The following COL18A1 variants were observed in gnomAD, a reference collection of about 807,000 sequenced individuals.
COL18A1 encodes the protein collagen type XVIII alpha 1 chain, also known as collagen alpha-1(XVIII) chain.
A neutral mutation model predicts 168.0 loss-of-function variants in COL18A1; 133 were observed. That is an observed-to-expected ratio of 0.79 (90% CI 0.69 to 0.91). The LOEUF is 0.91. Among genes scored for constraint, COL18A1 ranks in the 40% least tolerant of loss-of-function variants. COL18A1 has a pLI of 0.00. For missense variants in COL18A1, 2,126 were observed against 1,925.4 expected, an observed-to-expected ratio of 1.10 and a Z score of -1.95; for synonymous variants, 949 against 809.0, an observed-to-expected ratio of 1.17 and a Z score of -2.94.
At chr21:45,482,680 A>G in intron 14 of COL18A1, 115 bp from the exon 15 acceptor site, 1 of 1,482,908 alleles carries the variant, frequency 6.7e-7, no homozygotes, top group Non-Finnish European at 9.4e-7. Flanking sequence ...AAACCGGCAC[A>G]GGCAGCAAAG....
chr21:45,424,695 T>C (rs1263870517), intron 2 of COL18A1: 2 of 152,346 alleles, frequency 1.3e-5, no homozygotes, highest in African/African-American at 4.8e-5. Context: ...CTTCTGCCCT[T>C]CAGCTTGGAA....
At chr21:45,490,511 C>CGTGTGTCCCTCCTGGGTCCCTGGGCCTCT (rs1568921666) in intron 20 of COL18A1, among the ~76,000 whole-genome samples, 165 bp downstream of exon 20, 7 of 128,414 alleles carry the variant, frequency 5.5e-5, no homozygotes, top group African/African-American at 2.1e-4. Context: ...TCTGGGCCTC[C>CGTGTGTCCCTCCTGGGTCCCTGGGCCTCT]GTGTGCCCAC....
chr21:45,408,406 C>G (rs1196650567), intron 2 of COL18A1: 1 of 152,326 alleles, frequency 6.6e-6, no homozygotes, highest in Non-Finnish European at 1.5e-5. Context: ...CACAGTCATG[C>G]TGCATCCACA....
chr21:45,455,383 T>C (rs1480090036), intron 2 of COL18A1: 2 of 1,146,198 alleles, frequency 1.7e-6, no homozygotes, highest in Non-Finnish European at 1.2e-6. Flanking sequence ...GGTGCCTTCT[T>C]TCCTTCTGCA....
At chr21:45,511,990 G>A (rs375818547) in intron 41 of COL18A1, among the ~76,000 whole-genome samples, 198 bp from the exon 42 acceptor site, 3 of 152,148 alleles carry the variant, frequency 2.0e-5, no homozygotes, top group Non-Finnish European at 2.9e-5. Flanking sequence ...AGCAGCATGG[G>A]GGGCAGTCTG....
rs2035536294 is a variant in COL18A1 at position 45,473,868 on chromosome 21, G to C, written c.652-27G>C. On this transcript the variant is annotated intron_variant, in intron 3 of 41. Transcript: ENST00000651438. This position sits in a 1 kb window ranked among gnomAD's most constrained non-coding sequence, Gnocchi z 4.0. ...TGCCACTGCCACCTCAGGACCGCTG[G>C]TGACCCCTTTCTCTGTCTGCATTTA... 3 of 1,568,496 alleles carry C rather than the reference G, an allele frequency of 1.9e-6. No individual in the cohort carries two copies. The African/African-American group carries it at 4.1e-5, about 21-fold the overall frequency.
intron 37 of COL18A1, chr21:45,507,256 C>T: frequency 2.5e-6 from 1 of 400,242 alleles, no homozygotes; most frequent in South Asian, 2.3e-5. Context: ...GGGTGCTGGG[C>T]AGGGAGGGCA....
intron 25 of COL18A1, 130 bp downstream of exon 25, chr21:45,493,355 C>T: frequency 7.9e-7 from 1 of 1,273,254 alleles, no homozygotes; most frequent in Non-Finnish European, 1.1e-6. Context: ...GGGGTACATC[C>T]CTGCTCGGGC....
At chr21:45,489,081 C>T (rs984310694) in intron 18 of COL18A1, among the ~76,000 whole-genome samples, 44 of 152,212 alleles carry the variant, frequency 2.9e-4, no homozygotes, top group African/African-American at 8.4e-4. Context: ...TGCACTCTCA[C>T]GCGTCACCAG....
chr21:45,500,296 GTATAT>G (rs2036716397), intron 32 of COL18A1, among the ~76,000 whole-genome samples: 2 of 130,138 alleles, frequency 1.5e-5, no homozygotes, highest in Non-Finnish European at 3.3e-5. Flanking sequence ...TGTGTGGAGT[GTATAT>G]GTGGGTGTGT....
intron 2 of COL18A1, chr21:45,456,205 C>CG: frequency 6.2e-7 from 1 of 1,604,356 alleles, no homozygotes; most frequent in Non-Finnish European, 8.5e-7. Context: ...CCTTGCTGGG[C>CG]GGGGCCCCTC....
intron 2 of COL18A1, among the ~76,000 whole-genome samples, chr21:45,411,911 G>A (rs957776597): frequency 2.6e-5 from 4 of 152,186 alleles, no homozygotes; most frequent in African/African-American, 9.6e-5. Flanking sequence ...TTTGGTTGAT[G>A]GAAAATATCA....
intron 15 of COL18A1, among the ~76,000 whole-genome samples, chr21:45,483,704 G>A (rs141123823): frequency 3.9e-5 from 6 of 152,322 alleles, no homozygotes; most frequent in East Asian, 1.9e-4. Flanking sequence ...TGGCACTAAC[G>A]GGGAACTTTC....
At chr21:45,445,481 G>A (rs908435119) in intron 2 of COL18A1, among the ~76,000 whole-genome samples, 2 of 152,200 alleles carry the variant, frequency 1.3e-5, no homozygotes, top group African/African-American at 2.4e-5. Context: ...TACCTAAGGT[G>A]GAATCACTGG....
chr21:45,416,584 G>A (rs1187478119), intron 2 of COL18A1, among the ~76,000 whole-genome samples: 1 of 152,022 alleles, frequency 6.6e-6, no homozygotes, highest in Non-Finnish European at 1.5e-5. Context: ...GATTTCCTCT[G>A]AGGACAGTGT....
chr21:45,443,626 C>T lies in COL18A1; in HGVS notation c.107-24616C>T, dbSNP rs572168544. Among the ~76,000 whole-genome samples the T allele has an allele frequency of 1.1e-4, 17 of 152,190 alleles. No homozygotes were observed. Among genetic ancestry groups the T allele is most frequent in the African/African-American group, 3.4e-4 (14 of 41,522 alleles). ...GGCGGCCCTTTTTCTCCCACGTGGGCGAAAAGTGAAGCCTCTGGGTGGTCC... is the reference window on the plus strand; with the variant it reads ...GGCGGCCCTTTTTCTCCCACGTGGGTGAAAAGTGAAGCCTCTGGGTGGTCC... On this transcript the variant is annotated intron_variant, in intron 2 of 41. Coordinates refer to ENST00000651438, the MANE Select transcript of COL18A1 (RefSeq NM_001379500.1). This position sits in a 1 kb window ranked among gnomAD's most constrained non-coding sequence, Gnocchi z 5.2.
chr21:45,475,627 G>T, intron 5 of COL18A1, 92 bp downstream of exon 5: 1 of 1,054,108 alleles, frequency 9.5e-7, no homozygotes, highest in Non-Finnish European at 1.4e-6. Flanking sequence ...CGCAGGTGTG[G>T]CTCCAAGAGC....
In COL18A1 at chr21:45,505,169, C is replaced by T; in HGVS notation, c.2904C>T (p.Gly968=). The change falls in exon 35 of 42, where the codon GGC becomes GGT. Residue 968 remains glycine, a synonymous_variant. Transcript: ENST00000651438. ...GAGAGAGCATCCGGGGCCAGCCCGG[C>T]CCACCTGGACCTCAGGGACCCCCCG... ...PKGESIRGQP[G]PPGPQGPPGI... 2 of 1,606,650 alleles carry T rather than the reference C, an allele frequency of 1.2e-6. No homozygotes were observed. The highest frequency in any genetic ancestry group is 2.2e-5 in the East Asian group (1 of 44,572).
At chr21:45,458,628 G>A (rs745403765) in intron 2 of COL18A1, among the ~76,000 whole-genome samples, 1 of 152,222 alleles carries the variant, frequency 6.6e-6, no homozygotes, top group African/African-American at 2.4e-5. Context: ...GGGCAGCCTT[G>A]CAGGAGCCGT....
Sources: gnomAD v4.1 joint callset for allele counts (sites outside exome capture counted in the v4.1 genomes callset) on GRCh38, gnomAD v4.1.1 for gene constraint, Gnocchi (gnomAD v3.1) non-coding constraint, MANE v1.5 for transcripts, NCBI Gene and HGNC (gene_info 2026-07-23, HGNC 2026-07-21) for gene names.